The following STXBP5L variants were observed in gnomAD, a reference collection of about 807,000 sequenced individuals.
The protein encoded by STXBP5L is syntaxin binding protein 5L.
A neutral mutation model predicts 144.5 loss-of-function variants in STXBP5L; 65 were observed. That is an observed-to-expected ratio of 0.45 (90% CI 0.37 to 0.55). STXBP5L has a LOEUF of 0.55. Ranked by LOEUF, STXBP5L falls within the 20% of genes least tolerant of loss-of-function variation. STXBP5L has a pLI of 0.00. For missense variants in STXBP5L, 1,298 were observed against 1,405.5 expected, an observed-to-expected ratio of 0.92 and a Z score of 1.22; for synonymous variants, 505 against 469.6, an observed-to-expected ratio of 1.08 and a Z score of -0.97.
intron 20 of STXBP5L, among the ~76,000 whole-genome samples, chr3:121,341,372 G>A (rs1283173008): frequency 6.6e-6 from 1 of 152,106 alleles, no homozygotes; most frequent in Non-Finnish European, 1.5e-5. Flanking sequence ...CAAAAGACAG[G>A]GAATAACAAA....
At chr3:121,192,183 A>C (rs565920658) in intron 9 of STXBP5L, among the ~76,000 whole-genome samples, 1 of 151,996 alleles carries the variant, frequency 6.6e-6, no homozygotes, top group Non-Finnish European at 1.5e-5. Context: ...CACCAATAAC[A>C]GACAGAGAGC....
At chr3:121,236,811 G>A (rs1436691539) in intron 12 of STXBP5L, among the ~76,000 whole-genome samples, 1 of 152,332 alleles carries the variant, frequency 6.6e-6, no homozygotes, top group East Asian at 1.9e-4. Context: ...GTTACTTTCA[G>A]CTGTAAGCTT....
At chr3:121,232,918 G>A (rs1236396317) in intron 11 of STXBP5L, among the ~76,000 whole-genome samples, 1 of 152,054 alleles carries the variant, frequency 6.6e-6, no homozygotes, top group Non-Finnish European at 1.5e-5. Context: ...CTATCTGATC[G>A]GATCCTGCAG....
intron 14 of STXBP5L, among the ~76,000 whole-genome samples, chr3:121,241,519 C>G (rs1161288147): frequency 2.0e-5 from 3 of 151,944 alleles, no homozygotes; most frequent in Admixed American, 2.0e-4. Context: ...TAATGAGGTA[C>G]CCCCAACTTC....
intron 5 of STXBP5L, among the ~76,000 whole-genome samples, chr3:121,093,465 A>C (rs2042937761): frequency 6.6e-6 from 1 of 152,202 alleles, no homozygotes; most frequent in Admixed American, 6.5e-5. Context: ...TTATTGGTCT[A>C]TTCAGAGATT....
intron 7 of STXBP5L, among the ~76,000 whole-genome samples, chr3:121,132,982 C>T (rs112882384): frequency 9.9e-5 from 15 of 152,126 alleles, no homozygotes; most frequent in South Asian, 6.2e-4. Context: ...AGAAGGCTTA[C>T]GGGACTTATG....
chr3:121,022,561 A>C (rs376478156), intron 3 of STXBP5L, among the ~76,000 whole-genome samples: 1 of 152,198 alleles, frequency 6.6e-6, no homozygotes, highest in Non-Finnish European at 1.5e-5. Context: ...ATAATCCACC[A>C]TGATCAAGTG....
chr3:121,091,591 A>C (rs369611582), intron 5 of STXBP5L, among the ~76,000 whole-genome samples: 5,982 of 152,118 alleles, frequency 0.039, 161 homozygotes, highest in Middle Eastern at 0.082. Context: ...TGAGAAGTGT[A>C]TGTTCATGTC....
intron 9 of STXBP5L, among the ~76,000 whole-genome samples, chr3:121,173,768 G>A (rs2046825507): frequency 1.3e-5 from 2 of 152,058 alleles, no homozygotes; most frequent in Admixed American, 1.3e-4. Flanking sequence ...GATGAATCGT[G>A]TCTGAAATGG....
intron 22 of STXBP5L, among the ~76,000 whole-genome samples, chr3:121,386,739 C>CT (rs2046435433): frequency 1.3e-5 from 2 of 152,072 alleles, no homozygotes; most frequent in Admixed American, 1.3e-4. Context: ...TGAACTCATC[C>CT]TTTTTTATGG....
At chr3:121,122,480 C>G (rs574752605) in intron 7 of STXBP5L, among the ~76,000 whole-genome samples, 1 of 151,314 alleles carries the variant, frequency 6.6e-6, no homozygotes, top group African/African-American at 2.4e-5. Context: ...ATAGCCATGA[C>G]ATTTTTGAAA....
At chr3:121,215,941 TTTCA>T (rs770597317) in intron 10 of STXBP5L, among the ~76,000 whole-genome samples, 3 of 152,230 alleles carry the variant, frequency 2.0e-5, no homozygotes, top group African/African-American at 4.8e-5. Flanking sequence ...TCATGCTTTA[TTTCA>T]TTAAGTTGAT....
At chr3:121,071,213 T>C (rs2041798527) in intron 5 of STXBP5L, among the ~76,000 whole-genome samples, 1 of 152,250 alleles carries the variant, frequency 6.6e-6, no homozygotes, top group Non-Finnish European at 1.5e-5. Context: ...GGCAACAAGC[T>C]TGGCAGCATT....
intron 20 of STXBP5L, among the ~76,000 whole-genome samples, chr3:121,360,326 C>T (rs2045673288): frequency 1.3e-5 from 2 of 151,594 alleles, no homozygotes; most frequent in Non-Finnish European, 2.9e-5. Flanking sequence ...GGCAGCAGAT[C>T]AATGGATCTT....
intron 3 of STXBP5L, among the ~76,000 whole-genome samples, chr3:120,959,116 CAGAG>C (rs1430219826): frequency 9.2e-5 from 14 of 152,142 alleles, no homozygotes; most frequent in Non-Finnish European, 8.8e-5. Context: ...CAAAAACAGA[CAGAG>C]AGCCAAATCA....
chr3:120,939,284 A>C (rs971003954), intron 2 of STXBP5L, among the ~76,000 whole-genome samples: 1 of 152,206 alleles, frequency 6.6e-6, no homozygotes, highest in African/African-American at 2.4e-5. Context: ...TTTATTGCTA[A>C]TGTAGCAAGA....
chr3:121,185,793 T>A (rs928986784), intron 9 of STXBP5L, among the ~76,000 whole-genome samples: 2 of 150,904 alleles, frequency 1.3e-5, no homozygotes, highest in African/African-American at 2.5e-5. Flanking sequence ...CCTTTTTGGT[T>A]CCATATGAAC....
intron 2 of STXBP5L, among the ~76,000 whole-genome samples, chr3:120,921,695 C>T (rs539220570): frequency 9.3e-4 from 142 of 151,906 alleles, no homozygotes; most frequent in Middle Eastern, 3.4e-3. Flanking sequence ...TATAGATATC[C>T]AGTTTTCCCA....
chr3:121,268,034 T>A (rs2050628046), intron 18 of STXBP5L, among the ~76,000 whole-genome samples: 1 of 152,180 alleles, frequency 6.6e-6, no homozygotes, highest in Non-Finnish European at 1.5e-5. Context: ...GAAATATTAT[T>A]TGACCCAGCA....
Sources: allele counts gnomAD v4.1 joint callset (sites outside exome capture counted in the v4.1 genomes callset), GRCh38; gene constraint gnomAD v4.1.1; transcripts MANE v1.5; gene names NCBI Gene and HGNC (gene_info 2026-07-23, HGNC 2026-07-21).